MEF2A: variants seen among roughly 807,000 people sequenced by gnomAD.
The protein encoded by MEF2A is myocyte-specific enhancer factor 2A.
A neutral mutation model predicts 55.8 loss-of-function variants in MEF2A; 28 were observed. The observed-to-expected ratio is 0.50, with a 90% CI of 0.37 to 0.69. MEF2A has a LOEUF of 0.69. MEF2A is among the 30% of genes least tolerant of loss of function. The probability of loss-of-function intolerance (pLI) is 0.00; values close to 1 mark genes in which losing one functional copy is unlikely to be tolerated. For missense variants in MEF2A, 528 were observed against 626.2 expected (o/e 0.84, Z 1.67); for synonymous variants, 239 against 227.1 (o/e 1.05, Z -0.47).
chr15:99,632,396 T>C (rs2043091135), intron 2 of MEF2A, among the ~76,000 whole-genome samples: 2 of 152,204 alleles, frequency 1.3e-5, no homozygotes, highest in African/African-American at 4.8e-5. Context: ...CTAGGGCAAT[T>C]TGCAAGAATT....
At chr15:99,666,546 C>A (rs1270859573) in intron 4 of MEF2A, among the ~76,000 whole-genome samples, 1 of 149,560 alleles carries the variant, frequency 6.7e-6, no homozygotes, top group African/African-American at 2.4e-5. Flanking sequence ...AACAAACCTG[C>A]ACGTTCTGCA....
chr15:99,581,584 G>T (rs1027797785), intron 1 of MEF2A, among the ~76,000 whole-genome samples: 3 of 152,008 alleles, frequency 2.0e-5, no homozygotes, highest in Non-Finnish European at 2.9e-5. Flanking sequence ...CCTAGGTTCT[G>T]CTTCCCCCAA....
chr15:99,710,579 T>TA, intron 10 of MEF2A, 55 bp from the exon 11 acceptor site: 1 of 1,573,978 alleles, frequency 6.4e-7, no homozygotes, highest in Non-Finnish European at 8.7e-7. Flanking sequence ...ACGTAAAAAA[T>TA]AGATTCCGTA....
intron 4 of MEF2A, 102 bp downstream of exon 4, chr15:99,645,866 G>A (rs2045881766): frequency 2.5e-6 from 2 of 793,876 alleles, no homozygotes; most frequent in East Asian, 2.7e-5. Context: ...ACATAAATTA[G>A]GTGTATATGT....
chr15:99,623,516 G>C (rs963658061), intron 2 of MEF2A, among the ~76,000 whole-genome samples: 1 of 152,176 alleles, frequency 6.6e-6, no homozygotes, highest in African/African-American at 2.4e-5. Context: ...ACATTCCCAA[G>C]AACAGTGCAC....
At chr15:99,662,478 CTT>C (rs1182648424) in intron 4 of MEF2A, among the ~76,000 whole-genome samples, 19 of 142,038 alleles carry the variant, frequency 1.3e-4, no homozygotes, top group Non-Finnish European at 1.4e-4. Flanking sequence ...CTTTTTTCCT[CTT>C]TTTTTTTTTT....
Position 99,674,633 on chromosome 15 carries a change from T to C in MEF2A, c.610+21T>C, listed in dbSNP as rs548432140. ...TGCAGGTATGTAGTGATACCTATTA[T>C]GCTGGTTCTTTAATAAAGAGGGTGA... On this transcript the variant is annotated intron_variant, in intron 6 of 11. Coordinates refer to ENST00000557942, the MANE Select transcript of MEF2A (RefSeq NM_001319206.4). 10 of 1,572,060 alleles carry C rather than the reference T, an allele frequency of 6.4e-6. No homozygotes were observed. The South Asian group carries it at 8.0e-5, about 13-fold the overall frequency.
chr15:99,709,574 C>T (rs2058392155), intron 10 of MEF2A, among the ~76,000 whole-genome samples: 2 of 152,176 alleles, frequency 1.3e-5, no homozygotes, highest in African/African-American at 2.4e-5. Context: ...CAACTCCGTT[C>T]CTTTTTTAAA....
At chr15:99,628,523 A>G (rs1037716245) in intron 2 of MEF2A, among the ~76,000 whole-genome samples, 5 of 151,758 alleles carry the variant, frequency 3.3e-5, no homozygotes, top group Non-Finnish European at 5.9e-5. Context: ...TGGGTTATTT[A>G]TTAATCCATT....
At chr15:99,597,932 A>G (rs1486335414) in intron 1 of MEF2A, among the ~76,000 whole-genome samples, 1 of 152,228 alleles carries the variant, frequency 6.6e-6, no homozygotes, top group Non-Finnish European at 1.5e-5. Flanking sequence ...ATAGCTAGCT[A>G]GTGAAAATTA....
chr15:99,628,963 A>ATTTT (rs71149483), intron 2 of MEF2A, among the ~76,000 whole-genome samples: 1 of 133,770 alleles, frequency 7.5e-6, no homozygotes. Flanking sequence ...TTTCAGAAGG[A>ATTTT]TTTTTTTTTT....
At chr15:99,636,912 A>C (rs912454143) in intron 3 of MEF2A, among the ~76,000 whole-genome samples, 1 of 152,028 alleles carries the variant, frequency 6.6e-6, no homozygotes, top group African/African-American at 2.4e-5. Flanking sequence ...ATGGATATTT[A>C]GTTGTCCCAG....
chr15:99,653,788 C>T (rs987359611), intron 4 of MEF2A, among the ~76,000 whole-genome samples: 3 of 152,022 alleles, frequency 2.0e-5, no homozygotes, highest in Non-Finnish European at 4.4e-5. Flanking sequence ...TTATTATGCA[C>T]GTTGGACTTT....
At position 99,713,389 on chromosome 15, in the gene MEF2A, C is replaced by A; in HGVS notation, c.*618C>A. ...TTGCACGTGCAAAAATGTATTGGGTCAAGAAGTGATCTTTAGCTAATAAAG... is the reference window on the plus strand; with the variant it reads ...TTGCACGTGCAAAAATGTATTGGGTAAAGAAGTGATCTTTAGCTAATAAAG... On this transcript the variant is annotated 3_prime_UTR_variant, in exon 12 of 12. Transcript: ENST00000557942. 1 of 186,248 alleles carries A rather than the reference C, an allele frequency of 5.4e-6. No homozygotes were observed. Among genetic ancestry groups the A allele is most frequent in the Non-Finnish European group, 1.1e-5 (1 of 91,106 alleles). The allele number at this position is 186,248 out of a possible 1,614,324, so 11.5% of individuals were successfully genotyped here.
intron 4 of MEF2A, among the ~76,000 whole-genome samples, chr15:99,655,727 A>G (rs2047599314): frequency 6.6e-6 from 1 of 152,114 alleles, no homozygotes; most frequent in African/African-American, 2.4e-5. Flanking sequence ...GCCATGTTCT[A>G]AGGAATAGAA....
intron 4 of MEF2A, among the ~76,000 whole-genome samples, chr15:99,667,219 T>TATTC (rs1477627076): frequency 6.6e-6 from 1 of 151,886 alleles, no homozygotes; most frequent in Non-Finnish European, 1.5e-5. Flanking sequence ...TTTTGGTTTT[T>TATTC]ATTTATTTAT....
chr15:99,603,785 A>G (rs1567206865), intron 2 of MEF2A, among the ~76,000 whole-genome samples: 1 of 152,098 alleles, frequency 6.6e-6, no homozygotes, highest in African/African-American at 2.4e-5. Flanking sequence ...ACATTGGTTG[A>G]TAGTGTTCTT....
intron 7 of MEF2A, among the ~76,000 whole-genome samples, chr15:99,686,373 A>G (rs184979071): frequency 3.5e-4 from 53 of 151,950 alleles, no homozygotes; most frequent in Admixed American, 2.1e-3. Context: ...TTGTTTCAAG[A>G]TTTAGAACTC....
chr15:99,676,594 C>T (rs912142110), intron 7 of MEF2A, among the ~76,000 whole-genome samples: 7 of 149,518 alleles, frequency 4.7e-5, no homozygotes, highest in East Asian at 4.0e-4. Flanking sequence ...TTTTTTGAGA[C>T]GGAGTCTCGC....
Sources: allele counts gnomAD v4.1 joint callset (sites outside exome capture counted in the v4.1 genomes callset), GRCh38; gene constraint gnomAD v4.1.1; transcripts MANE v1.5; gene names NCBI Gene and HGNC (gene_info 2026-07-23, HGNC 2026-07-21).